Variants in ZNF287 observed in about 807,000 individuals in gnomAD.
The protein encoded by ZNF287 is zinc finger protein with KRAB and SCAN domains 13.
ZNF287 carries 31 observed loss-of-function variants against 73.7 expected under a neutral mutation model. That is an observed-to-expected ratio of 0.42 (90% confidence interval 0.32 to 0.57). The LOEUF (loss-of-function observed/expected upper bound fraction) is 0.57. ZNF287 is among the 20% of genes least tolerant of loss of function. The pLI, the probability that ZNF287 is intolerant of heterozygous loss-of-function variation, is 0.13. For synonymous variants in ZNF287, 301 were observed against 307.2 expected, an observed-to-expected ratio of 0.98 and a Z score of 0.21; for missense variants, 641 against 909.3, an observed-to-expected ratio of 0.70 and a Z score of 3.79.
chr17:16,561,922 T>C (rs895266908), intron 5 of ZNF287, among the ~76,000 whole-genome samples: 1 of 152,216 alleles, frequency 6.6e-6, no homozygotes, highest in Non-Finnish European at 1.5e-5. Flanking sequence ...TAAATGTTAA[T>C]TATCTAGAGT....
Position 16,549,969 on chromosome 17 carries a change from T to C in ZNF287, c.*1887A>G, listed in dbSNP as rs571410217. 3.9e-5 allele frequency among the ~76,000 whole-genome samples: 6 copies of C among 152,342 alleles called. No individual in the cohort carries two copies. The East Asian group carries it at 7.7e-4, about 20-fold the overall frequency. ...TTACTGAAATCTAATTTATATAATT[T>C]ATTCATTAATTCAACCATGTATTGA... On this transcript the variant is annotated 3_prime_UTR_variant, in exon 6 of 6. Transcript: ENST00000395825.
intron 5 of ZNF287, chr17:16,559,095 A>C (rs912160173): frequency 6.6e-5 from 10 of 152,146 alleles, no homozygotes; most frequent in Non-Finnish European, 1.0e-4. Context: ...ATATATTAAT[A>C]ATTTATTTTT....
intron 1 of ZNF287, among the ~76,000 whole-genome samples, chr17:16,568,506 G>A (rs1162394086): frequency 6.6e-6 from 1 of 152,152 alleles, no homozygotes; most frequent in Non-Finnish European, 1.5e-5. Context: ...TCCTTTAAGT[G>A]CTTCTATAGG....
rs1162042119 is a variant in ZNF287 at position 16,566,615 on chromosome 17, T to G, written c.411A>C (p.Gln137His). Residue 137 changes from glutamine to histidine, a missense_variant, in exon 3 of 6, where the codon CAA becomes CAC. This residue lies in a region of ZNF287 where 357 missense variants were observed against 442.4 expected (regional missense o/e 0.81). Coordinates refer to ENST00000395825, the MANE Select transcript of ZNF287 (RefSeq NM_020653.4). The stretch of plus-strand genomic sequence containing the variant: ...GGGTATCTTGGGAAAGGGTAGAGTT[T>G]TGAGGAGCTAGAGAAGAGAAAGAGG... ...LTQILEEEAP[Q>H]NSTLSQDTPE... The G allele has an allele frequency of 6.2e-7, 1 of 1,611,522 alleles. No homozygotes were observed. Among genetic ancestry groups the G allele is most frequent in the East Asian group, 2.2e-5 (1 of 44,612 alleles).
chr17:16,556,593 T>C (rs1201190074), intron 5 of ZNF287, among the ~76,000 whole-genome samples: 8 of 152,188 alleles, frequency 5.3e-5, no homozygotes, highest in African/African-American at 1.7e-4. Context: ...AAAAAATTTA[T>C]AAACCAACTT....
At position 16,552,603 on chromosome 17, in the gene ZNF287, A is replaced by G. The variant is rs749815659; in HGVS notation, c.1539T>C (p.Cys513=). The G allele has an allele frequency of 1.9e-6, 3 of 1,614,020 alleles. No individual in the cohort carries two copies. In the African/African-American group the frequency reaches 4.0e-5, roughly 22 times the overall value. Residue 513 remains cysteine (C), a synonymous_variant, in exon 6 of 6, where the codon TGT becomes TGC. Coordinates refer to ENST00000395825, the MANE Select transcript of ZNF287 (RefSeq NM_020653.4). The surrounding 1 kb of genome is among the most constrained non-coding windows in gnomAD (Gnocchi z 6.5). ...GTGTACTCTGACTGAAAGTCTTCCC[A>G]CATTCATTGCATATATAAGGTTTTT... ...TGEKPYICNE[C]GKTFSQSTHL... is the part of the protein sequence containing the mutation.
chr17:16,562,914 A>C (rs1011325388), intron 5 of ZNF287, among the ~76,000 whole-genome samples: 4 of 152,210 alleles, frequency 2.6e-5, no homozygotes, highest in Non-Finnish European at 5.9e-5. Context: ...CCTAGAGGTC[A>C]TGTAGAAGGA....
intron 5 of ZNF287, among the ~76,000 whole-genome samples, chr17:16,555,601 A>AACAC (rs201011881): frequency 0.017 from 2,198 of 128,176 alleles, 24 homozygotes; most frequent in Admixed American, 0.043. Context: ...CACATAACCA[A>AACAC]ACACACACAC....
rs961505505 is a variant in ZNF287 at position 16,550,805 on chromosome 17, G to A, written c.*1051C>T. 2.0e-5 allele frequency among the ~76,000 whole-genome samples: 3 copies of A among 152,058 alleles called. No individual in the cohort carries two copies. Among genetic ancestry groups the A allele is most frequent in the African/African-American group, 7.2e-5 (3 of 41,398 alleles). On this transcript the variant is annotated 3_prime_UTR_variant, in exon 6 of 6. Coordinates refer to ENST00000395825, the MANE Select transcript of ZNF287 (RefSeq NM_020653.4). ...TAAAACAGTCACAGAGAAACCTAAA[G>A]TATAAATTTAGGAGTCAGGTGAAAA...
chr17:16,552,355 A>G lies in ZNF287; in HGVS notation c.1787T>C (p.Ile596Thr), dbSNP rs144535422. 78 of 1,613,274 alleles carry G rather than the reference A, an allele frequency of 4.8e-5. No homozygotes were observed. The East Asian group carries it at 1.6e-3, about 34-fold the overall frequency. Reference sequence around the variant, plus strand: ...ACTCTGGCTGAAGGCTTTCCCACATATATTACATATATAGGATTTCTCTCC... The same window carrying G: ...ACTCTGGCTGAAGGCTTTCCCACATGTATTACATATATAGGATTTCTCTCC... ...HTGEKSYICN[I>T]CGKAFSQSAN... is the part of the protein sequence containing the mutation. The change falls in exon 6 of 6, where the codon ATA becomes ACA. Residue 596 changes from isoleucine (I) to threonine (T), a missense_variant. Transcript: ENST00000395825. The surrounding 1 kb of genome is among the most constrained non-coding windows in gnomAD (Gnocchi z 6.5).
chr17:16,556,165 G>GACACACACACAC lies in ZNF287; in HGVS notation c.716-2751_716-2740dup, dbSNP rs137989045. 8.6e-3 allele frequency among the ~76,000 whole-genome samples: 1,240 copies of GACACACACACAC among 144,298 alleles called. 17 individuals carry two copies. The highest frequency in any genetic ancestry group is 0.03 in the African/African-American group (1,203 of 39,740). 94.7% of individuals were successfully genotyped at this position (144,298 alleles called of 152,430 possible). On this transcript the variant is annotated intron_variant, in intron 5 of 5. Coordinates refer to ENST00000395825, the MANE Select transcript of ZNF287 (RefSeq NM_020653.4). The stretch of plus-strand genomic sequence containing the variant: ...GCTATTTGTGTTACAGACAGACACA[G>GACACACACACAC]ACACACACACACACACACACACACA...
rs778672354 is a variant in ZNF287 at position 16,566,552 on chromosome 17, T to C, written c.474A>G (p.Thr158=). 3 of 1,613,136 alleles carry C rather than the reference T, an allele frequency of 1.9e-6. No homozygotes were observed. Among genetic ancestry groups the C allele is most frequent in the African/African-American group, 2.7e-5 (2 of 74,916 alleles). ...EDPRGKHAFQ[T]GWLNDLVTKE... ...TGGTCACCAAGTCATTTAGCCATCC[T>C]GTCTGGAAAGCATGTTTTCCTCTGG... is the stretch of plus-strand genomic sequence containing the variant. The change falls in exon 3 of 6, where the codon ACA becomes ACG. Residue 158 remains threonine, a synonymous_variant. Coordinates refer to ENST00000395825, the MANE Select transcript of ZNF287 (RefSeq NM_020653.4).
intron 5 of ZNF287, among the ~76,000 whole-genome samples, chr17:16,554,865 A>G (rs1906937540): frequency 6.6e-6 from 1 of 152,230 alleles, no homozygotes; most frequent in Non-Finnish European, 1.5e-5. Context: ...GGTTGCAGTG[A>G]GCCATGATCG....
rs191962040 is a variant in ZNF287, at chr17:16,565,713, G to A, written c.501+812C>T. On this transcript the variant is annotated intron_variant, in intron 3 of 5. Transcript: ENST00000395825. ...AAATAATATAGACTCATGGCCGGGC[G>A]CGGTGGCTCACACATGTAATCCCAG... Among the ~76,000 whole-genome samples, 106 of 152,160 alleles carry A rather than the reference G, an allele frequency of 7.0e-4. 1 individual carries two copies. Among genetic ancestry groups the A allele is most frequent in the African/African-American group, 2.5e-3 (102 of 41,496 alleles).
At position 16,566,660 on chromosome 17, in the gene ZNF287, T is replaced by C. The variant is rs1569023645; in HGVS notation, c.404-38A>G. The stretch of plus-strand genomic sequence containing the variant: ...AAGAGGTCATGAGGGAGATTAGTCC[T>C]TTCTGAATAGCCTAGGAAACCCCTC... On this transcript the variant is annotated intron_variant, in intron 2 of 5. Transcript: ENST00000395825. 4.7e-6 allele frequency: 7 copies of C among 1,492,516 alleles called. No individual in the cohort carries two copies. The African/African-American group carries it at 9.8e-5, about 21-fold the overall frequency. 92.5% of individuals were successfully genotyped at this position (1,492,516 alleles called of 1,614,324 possible). A position where few individuals can be genotyped will look rare whatever the true frequency, so the allele number is the denominator to read the frequency against.
At chr17:16,561,533 A>G (rs1394471460) in intron 5 of ZNF287, among the ~76,000 whole-genome samples, 1 of 152,182 alleles carries the variant, frequency 6.6e-6, no homozygotes, top group East Asian at 1.9e-4. Context: ...GAGCATCACC[A>G]ATGATGAGAT....
At chr17:16,567,264 A>C in intron 2 of ZNF287, 65 bp downstream of exon 2, 1 of 1,541,166 alleles carries the variant, frequency 6.5e-7, no homozygotes, top group Admixed American at 2.0e-5. Flanking sequence ...GGAGCTGCTC[A>C]GATGTGCTAG....
At chr17:16,555,207 A>C (rs1016886054) in intron 5 of ZNF287, among the ~76,000 whole-genome samples, 2 of 152,158 alleles carry the variant, frequency 1.3e-5, no homozygotes, top group African/African-American at 4.8e-5. Flanking sequence ...CCTTTTTTAA[A>C]TATGGAAAGC....
chr17:16,567,240 C>T, intron 2 of ZNF287, 89 bp downstream of exon 2: 1 of 1,503,156 alleles, frequency 6.7e-7, no homozygotes, highest in Non-Finnish European at 8.9e-7. Flanking sequence ...AGTGCTCTCC[C>T]TGATTTCTTT....
Sources: allele counts gnomAD v4.1 joint callset (sites outside exome capture counted in the v4.1 genomes callset), GRCh38; gene constraint gnomAD v4.1.1; regional missense constraint gnomAD v4.1.1; non-coding constraint Gnocchi (gnomAD v3.1); transcripts MANE v1.5; gene names NCBI Gene and HGNC (gene_info 2026-07-23, HGNC 2026-07-21).